Variants in MTOR observed in about 807,000 individuals in gnomAD.
MTOR encodes serine/threonine-protein kinase mTOR.
MTOR carries 70 observed loss-of-function variants against 319.8 expected under a neutral mutation model. The observed-to-expected ratio is 0.22, with a 90% CI of 0.18 to 0.27. The LOEUF (loss-of-function observed/expected upper bound fraction) is 0.27. MTOR is among the 10% of genes least tolerant of loss of function. The pLI is 1.00. For synonymous variants in MTOR, 1,183 were observed against 1,211.4 expected (o/e 0.98, Z 0.49); for missense variants, 1,890 against 3,274.4 (o/e 0.58, Z 10.32).
chr1:11,185,750 A>G (rs1269392277), intron 28 of MTOR, among the ~76,000 whole-genome samples: 1 of 152,168 alleles, frequency 6.6e-6, no homozygotes, highest in African/African-American at 2.4e-5. Flanking sequence ...ATGGACTTGG[A>G]CTTTCAGTTG....
rs773075869 is a variant in MTOR, at chr1:11,112,931, T to A, written c.7301-14A>T. Reference sequence around the variant, plus strand: ...CTTTGGTATTTGCTAGGGAGAGAAATAAAGAGTATTGAAACATGCTTCAAA... The same window carrying A: ...CTTTGGTATTTGCTAGGGAGAGAAAAAAAGAGTATTGAAACATGCTTCAAA... On this transcript the variant is annotated splice_polypyrimidine_tract_variant and intron_variant, in intron 53 of 57. Transcript: ENST00000361445. 6.2e-7 allele frequency: 1 copy of A among 1,612,554 alleles called. No homozygotes were observed. The highest frequency in any genetic ancestry group is 8.5e-7 in the Non-Finnish European group (1 of 1,179,336).
intron 18 of MTOR, among the ~76,000 whole-genome samples, chr1:11,230,584 G>A (rs952123319): frequency 3.9e-5 from 6 of 152,138 alleles, no homozygotes; most frequent in Non-Finnish European, 8.8e-5. Flanking sequence ...TAGATACCAT[G>A]GGAATGAGAA....
rs1557752760 is a variant in MTOR, at chr1:11,126,744, T to C, written c.6404A>G (p.Asp2135Gly). The C allele has an allele frequency of 6.2e-7, 1 of 1,614,050 alleles. No individual in the cohort carries two copies. Among genetic ancestry groups the C allele is most frequent in the East Asian group, 2.2e-5 (1 of 44,870 alleles). ...TGTTCCTGGCACAGCCAATTCAAGGTCCCGGCACATCAGAAGTTTTGGGGA... is the reference window on the plus strand; with the variant it reads ...TGTTCCTGGCACAGCCAATTCAAGGCCCCGGCACATCAGAAGTTTTGGGGA... Reference protein sequence around the residue: ...YVSPKLLMCRDLELAVPGTYD... With the variant: ...YVSPKLLMCRGLELAVPGTYD... The change falls in exon 46 of 58, where the codon GAC becomes GGC. Residue 2135 changes from aspartate (D) to glycine (G), a missense_variant. Physicochemically the swap from Asp to Gly is moderately conservative, Grantham distance 94. Transcript: ENST00000361445.
At chr1:11,143,908 C>G (rs1002307001) in intron 34 of MTOR, 11 of 152,302 alleles carry the variant, frequency 7.2e-5, no homozygotes, top group Admixed American at 2.0e-4. Context: ...AATGGGATAA[C>G]TGGCCATCCT....
At chr1:11,200,465 T>C (rs1163935795) in intron 26 of MTOR, among the ~76,000 whole-genome samples, 1 of 152,198 alleles carries the variant, frequency 6.6e-6, no homozygotes, top group Non-Finnish European at 1.5e-5. Context: ...TACCACATGA[T>C]GGACACATTT....
chr1:11,114,478 C>T (rs1455862621), intron 52 of MTOR, 25 bp from the exon 53 acceptor site: 1 of 1,613,362 alleles, frequency 6.2e-7, no homozygotes, highest in South Asian at 1.1e-5. Flanking sequence ...GAGCCACTCA[C>T]CACAGGAGTT....
chr1:11,239,312 A>C (rs1647658408), intron 11 of MTOR, among the ~76,000 whole-genome samples: 1 of 152,204 alleles, frequency 6.6e-6, no homozygotes, highest in South Asian at 2.1e-4. Context: ...TAAATACCAG[A>C]CAAAGAGTCT....
In MTOR at chr1:11,237,788, T is replaced by G. The variant is rs965051134; in HGVS notation, c.2208+55A>C. On this transcript the variant is annotated intron_variant, in intron 13 of 57. Transcript: ENST00000361445. The stretch of plus-strand genomic sequence containing the variant: ...TCAACTCCGCTTCCTCAAGCAGTTC[T>G]CACAGCGAGAGTCCTGTCTTCCCTG... The G allele has an allele frequency of 1.9e-6, 3 of 1,594,020 alleles. No individual in the cohort carries two copies. The African/African-American group carries it at 4.0e-5, about 21-fold the overall frequency.
chr1:11,115,262 TAAC>T lies in MTOR; in HGVS notation c.7089+131_7089+133del. The T allele has an allele frequency of 1.2e-6, 1 of 833,710 alleles. No individual in the cohort carries two copies. 51.6% of individuals were successfully genotyped at this position (833,710 alleles called of 1,614,324 possible). A position where few individuals can be genotyped will look rare whatever the true frequency, so the allele number is the denominator to read the frequency against. On this transcript the variant is annotated intron_variant, in intron 51 of 57. Transcript: ENST00000361445. This position sits in a 1 kb window ranked among gnomAD's most constrained non-coding sequence, Gnocchi z 4.5. ...CCAGATTTCATTTCTTAGACTGACT[TAAC>T]TACAGCCTTGGTAGGGCCAGCAGGG...
chr1:11,231,220 G>A, intron 17 of MTOR, 80 bp downstream of exon 17: 1 of 1,592,494 alleles, frequency 6.3e-7, no homozygotes, highest in African/African-American at 1.3e-5. Flanking sequence ...CACTGTCAGA[G>A]CATGTTAATG....
At chr1:11,116,322 T>C (rs1184508626) in intron 50 of MTOR, among the ~76,000 whole-genome samples, 1 of 152,178 alleles carries the variant, frequency 6.6e-6, no homozygotes, top group Admixed American at 6.5e-5. Context: ...AGTATTTTTG[T>C]TTTTTTCTTT....
intron 28 of MTOR, among the ~76,000 whole-genome samples, chr1:11,167,887 G>A (rs1644695917): frequency 6.6e-6 from 1 of 152,122 alleles, no homozygotes; most frequent in South Asian, 2.1e-4. Flanking sequence ...GGCTAACAAG[G>A]TGAAACCCTG....
At chr1:11,179,169 C>T (rs1270058789) in intron 28 of MTOR, among the ~76,000 whole-genome samples, 1 of 152,240 alleles carries the variant, frequency 6.6e-6, no homozygotes, top group Non-Finnish European at 1.5e-5. Context: ...GATATCATCA[C>T]TGCATGAACA....
At chr1:11,243,872 T>C (rs550545488) in intron 8 of MTOR, among the ~76,000 whole-genome samples, 107 of 151,868 alleles carry the variant, frequency 7.0e-4, no homozygotes, top group African/African-American at 1.6e-3. Context: ...TGAAGTACAG[T>C]CATGGGCCGG....
rs189997787 is a variant in MTOR, at chr1:11,139,063, C to T, written c.5130+241G>A. 331 of 469,612 alleles carry T rather than the reference C, an allele frequency of 7.0e-4. 1 individual carries two copies. Among genetic ancestry groups the T allele is most frequent in the African/African-American group, 6.3e-3 (311 of 49,384 alleles). The allele number at this position is 469,612 out of a possible 1,614,324, so 29.1% of individuals were successfully genotyped here. ...TCTATGTCCCAGCACTTTCTAGATA[C>T]AAATACATATAACTGTGATCACATT... On this transcript the variant is annotated intron_variant, in intron 36 of 57. Transcript: ENST00000361445.
At chr1:11,118,618 CTTTT>C (rs1359304379) in intron 49 of MTOR, among the ~76,000 whole-genome samples, 5 of 127,270 alleles carry the variant, frequency 3.9e-5, no homozygotes, top group Non-Finnish European at 5.0e-5. Context: ...TTTTCTTCTT[CTTTT>C]TTTTTTTTTT....
Position 11,130,785 on chromosome 1 carries a change from G to C in MTOR, c.5365-8C>G, listed in dbSNP as rs2100433688. 6.4e-7 allele frequency: 1 copy of C among 1,558,744 alleles called. No homozygotes were observed. Among genetic ancestry groups the C allele is most frequent in the South Asian group, 1.2e-5 (1 of 84,676 alleles). On this transcript the variant is annotated splice_region_variant and splice_polypyrimidine_tract_variant and intron_variant, in intron 38 of 57. Coordinates refer to ENST00000361445, the MANE Select transcript of MTOR (RefSeq NM_004958.4). ...TGCCCACGCATGCCAGGCCTGGTTGGGGAGAAAGGCAAGGACAGACACTGG... is the reference window on the plus strand; with the variant it reads ...TGCCCACGCATGCCAGGCCTGGTTGCGGAGAAAGGCAAGGACAGACACTGG...
chr1:11,197,278 G>A (rs1645818734), intron 28 of MTOR, among the ~76,000 whole-genome samples: 1 of 152,200 alleles, frequency 6.6e-6, no homozygotes, highest in Non-Finnish European at 1.5e-5. Flanking sequence ...TAGGGGTAGT[G>A]CTATGAGCAA....
intron 34 of MTOR, 88 bp downstream of exon 34, chr1:11,144,560 G>A (rs1233095373): frequency 3.6e-6 from 4 of 1,106,260 alleles, no homozygotes; most frequent in Non-Finnish European, 5.4e-6. Context: ...AGCAAGTTGA[G>A]TAAGAGCCAG....
Sources: allele counts gnomAD v4.1 joint callset (sites outside exome capture counted in the v4.1 genomes callset), GRCh38; gene constraint gnomAD v4.1.1; non-coding constraint Gnocchi (gnomAD v3.1); transcripts MANE v1.5; gene names NCBI Gene and HGNC (gene_info 2026-07-23, HGNC 2026-07-21).